TRAPPC9: variants seen among roughly 807,000 people sequenced by gnomAD.
TRAPPC9 encodes IKK2 binding protein.
TRAPPC9 carries 83 observed loss-of-function variants against 124.0 expected under a neutral mutation model. That is an observed-to-expected ratio of 0.67 (90% CI 0.56 to 0.80). The LOEUF is 0.80. Ranked by LOEUF, TRAPPC9 falls within the 30% of genes least tolerant of loss-of-function variation. TRAPPC9 has a pLI of 0.00. For missense variants in TRAPPC9, 1,302 were observed against 1,508.3 expected (o/e 0.86, Z 2.27); for synonymous variants, 638 against 617.5 (o/e 1.03, Z -0.49).
Position 140,448,791 on chromosome 8 carries a change from G to A in TRAPPC9, c.584+1999C>T, listed in dbSNP as rs530638206. On this transcript the variant is annotated intron_variant, in intron 2 of 22. Transcript: ENST00000438773. ...GCGCTATTCACGAGGCACAGGAGGC[G>A]CAGCAGAAGGCAACAAGGTGAGGTA... Among the ~76,000 whole-genome samples the A allele has an allele frequency of 2.2e-4, 33 of 152,306 alleles. 1 individual carries two copies. In the South Asian group the frequency reaches 5.8e-3, roughly 27 times the overall value.
intron 21 of TRAPPC9, among the ~76,000 whole-genome samples, chr8:139,846,974 A>G (rs1186296918): frequency 6.6e-6 from 1 of 152,248 alleles, no homozygotes; most frequent in East Asian, 1.9e-4. Flanking sequence ...CAATCACACT[A>G]TTCATTCCTT....
chr8:140,375,796 G>A (rs187649895), intron 7 of TRAPPC9, among the ~76,000 whole-genome samples: 5 of 152,276 alleles, frequency 3.3e-5, no homozygotes, highest in South Asian at 4.2e-4. Flanking sequence ...CTTCTCAAAC[G>A]TGGGCACTTG....
At chr8:140,415,929 C>G (rs1344363338) in intron 5 of TRAPPC9, among the ~76,000 whole-genome samples, 1 of 152,118 alleles carries the variant, frequency 6.6e-6, no homozygotes, top group Admixed American at 6.6e-5. Context: ...CCATTGCACT[C>G]TACCCTGGGC....
At chr8:139,993,801 A>T (rs915003419) in intron 18 of TRAPPC9, among the ~76,000 whole-genome samples, 29 of 152,224 alleles carry the variant, frequency 1.9e-4, no homozygotes, top group Non-Finnish European at 3.4e-4. Context: ...ATATATATGT[A>T]TATCAAATTT....
At chr8:139,868,269 T>C (rs866101176) in intron 21 of TRAPPC9, among the ~76,000 whole-genome samples, 14 of 152,110 alleles carry the variant, frequency 9.2e-5, no homozygotes, top group African/African-American at 1.9e-4. Context: ...TGAGGCAGAA[T>C]TGCCTGAACC....
intron 21 of TRAPPC9, among the ~76,000 whole-genome samples, chr8:139,851,726 A>T (rs1246356207): frequency 1.3e-5 from 2 of 152,202 alleles, no homozygotes; most frequent in Non-Finnish European, 2.9e-5. Flanking sequence ...ACATTTGATG[A>T]TCTTTGGAAC....
At chr8:139,771,838 G>A (rs1020505664) in intron 21 of TRAPPC9, among the ~76,000 whole-genome samples, 4 of 152,234 alleles carry the variant, frequency 2.6e-5, no homozygotes, top group Non-Finnish European at 5.9e-5. Context: ...GGCCTTTAGG[G>A]TCAGGTGTGT....
At chr8:140,433,435 C>T (rs977841197) in intron 4 of TRAPPC9, among the ~76,000 whole-genome samples, 3 of 151,868 alleles carry the variant, frequency 2.0e-5, no homozygotes, top group Admixed American at 6.6e-5. Flanking sequence ...CTGAAATTTA[C>T]AAAAATTAGC....
At chr8:140,284,143 G>A (rs1181498795) in intron 13 of TRAPPC9, 122 bp from the exon 14 acceptor site, 4 of 1,340,772 alleles carry the variant, frequency 3.0e-6, no homozygotes, top group Non-Finnish European at 4.2e-6. Context: ...AAGCTGCCCG[G>A]GGCCCGCCGG....
At chr8:140,088,438 G>A (rs187989749) in intron 17 of TRAPPC9, among the ~76,000 whole-genome samples, 2 of 152,342 alleles carry the variant, frequency 1.3e-5, no homozygotes, top group East Asian at 3.9e-4. Context: ...TTGTAGCACA[G>A]AAGTGGCAAG....
chr8:140,014,771 C>T (rs186547965), intron 18 of TRAPPC9, among the ~76,000 whole-genome samples: 7 of 152,296 alleles, frequency 4.6e-5, no homozygotes, highest in Admixed American at 2.0e-4. Flanking sequence ...CTTCCACTCA[C>T]GAACGCACAG....
At chr8:140,376,295 G>A (rs1230977689) in intron 7 of TRAPPC9, among the ~76,000 whole-genome samples, 4 of 151,896 alleles carry the variant, frequency 2.6e-5, no homozygotes, top group Non-Finnish European at 4.4e-5. Flanking sequence ...GGTGGCTCAC[G>A]CCTGTAATCC....
chr8:139,816,018 G>A (rs140416337), intron 21 of TRAPPC9, among the ~76,000 whole-genome samples: 76 of 152,342 alleles, frequency 5.0e-4, no homozygotes, highest in African/African-American at 1.6e-3. Context: ...GTGGATTCCC[G>A]AGCCTGGATA....
chr8:140,358,453 C>T (rs1469592656), intron 9 of TRAPPC9, among the ~76,000 whole-genome samples: 1 of 152,170 alleles, frequency 6.6e-6, no homozygotes, highest in Admixed American at 6.5e-5. Context: ...GTGATCCGCC[C>T]ACCTGGGCCT....
chr8:140,045,631 GAAAAAAAAAAAAAAA>G lies in TRAPPC9; in HGVS notation c.2557-21567_2557-21553del, dbSNP rs57243402. On this transcript the variant is annotated intron_variant, in intron 17 of 22. Transcript: ENST00000438773. ...GACAGAGCAAGACTCCATCTCGGCA[GAAAAAAAAAAAAAAA>G]AAAAAAAAAAAAACCAAGTCAGGTC... Among the ~76,000 whole-genome samples the G allele has an allele frequency of 1.5e-4, 5 of 33,266 alleles. No homozygotes were observed. In the Admixed American group the frequency reaches 2.0e-3, roughly 13 times the overall value. The allele number at this position is 33,266 out of a possible 152,430, so 21.8% of individuals were successfully genotyped here. A position where few individuals can be genotyped will look rare whatever the true frequency, so the allele number is the denominator to read the frequency against.
intron 6 of TRAPPC9, 79 bp from the exon 7 acceptor site, chr8:140,397,824 G>C: frequency 6.3e-7 from 1 of 1,581,322 alleles, no homozygotes; most frequent in Non-Finnish European, 8.6e-7. Context: ...GTGCTACTGG[G>C]ACTCAATAAC....
chr8:139,908,019 C>G (rs996193015), intron 20 of TRAPPC9, among the ~76,000 whole-genome samples: 2 of 152,104 alleles, frequency 1.3e-5, no homozygotes, highest in Non-Finnish European at 2.9e-5. Context: ...GTGACGTGGC[C>G]CAGGGCAGCA....
At position 140,397,706 on chromosome 8, in the gene TRAPPC9, T is replaced by G; in HGVS notation, c.1048A>C (p.Lys350Gln). Residue 350 changes from lysine to glutamine, a missense_variant, in exon 7 of 23, where the codon AAG (lysine) becomes CAG (glutamine). Lys to Gln is a moderately conservative substitution (Grantham distance 53). Around this residue, in one of 3 missense-constraint regions of TRAPPC9, gnomAD observed 657 missense variants for 811.2 expected, o/e 0.81. Coordinates refer to ENST00000438773, the MANE Select transcript of TRAPPC9 (RefSeq NM_001160372.4). ...AGVIELEACIKAVRVLAIQKR... is the reference protein window; with the variant it reads ...AGVIELEACIQAVRVLAIQKR... ...TGAATTGCAAGGACACGTACAGCCT[T>G]GATGCACGCTTCCAACTCAATCACT... 6.2e-7 allele frequency: 1 copy of G among 1,614,212 alleles called. No individual in the cohort carries two copies. The highest frequency in any genetic ancestry group is 8.5e-7 in the Non-Finnish European group (1 of 1,180,030).
intron 21 of TRAPPC9, among the ~76,000 whole-genome samples, chr8:139,853,067 G>A (rs1410721026): frequency 1.3e-5 from 2 of 152,172 alleles, no homozygotes; most frequent in East Asian, 1.9e-4. Flanking sequence ...GTGTTCCGTG[G>A]TGACGCCAAC....
Sources: gnomAD v4.1 joint callset for allele counts (sites outside exome capture counted in the v4.1 genomes callset) on GRCh38, gnomAD v4.1.1 for gene constraint, gnomAD v4.1.1 regional missense constraint, MANE v1.5 for transcripts, NCBI Gene and HGNC (gene_info 2026-07-23, HGNC 2026-07-21) for gene names.